The following DLGAP2 variants were observed in gnomAD, a reference collection of about 807,000 sequenced individuals.
The protein encoded by DLGAP2 is disks large-associated protein 2.
Under a neutral mutation model 100.3 loss-of-function variants are expected in DLGAP2, and 26 were observed. The ratio of observed to expected loss-of-function variants is 0.26; its 90% CI spans 0.19 to 0.36. The LOEUF is 0.36. DLGAP2 is among the 10% of genes least tolerant of loss of function. DLGAP2 has a pLI of 1.00. For missense variants in DLGAP2, 1,858 were observed against 1,453.2 expected (o/e 1.28, Z -4.53); for synonymous variants, 886 against 630.1 (o/e 1.41, Z -6.08).
chr8:1,328,708 G>A (rs149833903), intron 3 of DLGAP2, among the ~76,000 whole-genome samples: 41 of 152,228 alleles, frequency 2.7e-4, no homozygotes, highest in African/African-American at 9.4e-4. Context: ...TTAAAAACTC[G>A]TAGTAAAGAC....
At chr8:1,089,753 C>G (rs1009175314) in intron 2 of DLGAP2, among the ~76,000 whole-genome samples, 5 of 152,192 alleles carry the variant, frequency 3.3e-5, no homozygotes, top group African/African-American at 1.2e-4. Context: ...GTGTTTTCCT[C>G]TGGAGGACAT....
intron 2 of DLGAP2, among the ~76,000 whole-genome samples, chr8:1,186,714 T>A (rs1160305879): frequency 6.6e-6 from 1 of 152,170 alleles, no homozygotes; most frequent in Non-Finnish European, 1.5e-5. Context: ...GATATTCTGT[T>A]GTGAATATCT....
rs563038279 is a variant in DLGAP2 at position 988,116 on chromosome 8, C to T, written c.73+80150C>T. Among the ~76,000 whole-genome samples the T allele has an allele frequency of 2.0e-5, 3 of 152,192 alleles. No homozygotes were observed. In the East Asian group the frequency reaches 5.8e-4, roughly 29 times the overall value. Reference sequence around the variant, plus strand: ...GCCCTGATGGGAGTTGCGTTATTTTCTATGGTTTTCACGTTCTTATAGGTT... The same window carrying T: ...GCCCTGATGGGAGTTGCGTTATTTTTTATGGTTTTCACGTTCTTATAGGTT... On this transcript the variant is annotated intron_variant, in intron 2 of 14. Transcript: ENST00000637795.
At chr8:1,545,256 T>G (rs1424508453) in intron 4 of DLGAP2, among the ~76,000 whole-genome samples, 1 of 152,136 alleles carries the variant, frequency 6.6e-6, no homozygotes. Context: ...CACCATCTGG[T>G]CCTGAACTTT....
chr8:1,133,803 T>G (rs10866917), intron 2 of DLGAP2, among the ~76,000 whole-genome samples: 1 of 152,150 alleles, frequency 6.6e-6, no homozygotes, highest in Non-Finnish European at 1.5e-5. Context: ...TGAACATCAC[T>G]CAGTTGTTTT....
At chr8:1,192,094 C>G (rs1465335917) in intron 2 of DLGAP2, among the ~76,000 whole-genome samples, 1 of 152,104 alleles carries the variant, frequency 6.6e-6, no homozygotes, top group Non-Finnish European at 1.5e-5. Context: ...GTGCGTGGCC[C>G]CTGCACTTTC....
At chr8:1,028,269 C>G (rs1801871988) in intron 2 of DLGAP2, among the ~76,000 whole-genome samples, 1 of 142,006 alleles carries the variant, frequency 7.0e-6, no homozygotes, top group African/African-American at 2.7e-5. Context: ...CCGTTATTCT[C>G]CAGGTGGGGT....
intron 1 of DLGAP2, among the ~76,000 whole-genome samples, chr8:772,357 C>A (rs534780248): frequency 6.6e-6 from 1 of 151,830 alleles, no homozygotes; most frequent in East Asian, 2.0e-4. Context: ...GAGTCTTGCT[C>A]TGTTGCCGAG....
At chr8:924,813 C>T (rs1322098425) in intron 2 of DLGAP2, among the ~76,000 whole-genome samples, 4 of 151,982 alleles carry the variant, frequency 2.6e-5, no homozygotes, top group Non-Finnish European at 5.9e-5. Context: ...CTTAAACTCC[C>T]GATCTCAGGT....
chr8:1,128,233 G>C (rs552304734), intron 2 of DLGAP2, among the ~76,000 whole-genome samples: 1 of 151,334 alleles, frequency 6.6e-6, no homozygotes, highest in African/African-American at 2.5e-5. Context: ...TGTGTTCGGT[G>C]AGGACCTGCT....
chr8:925,707 G>A (rs1377470501), intron 2 of DLGAP2, among the ~76,000 whole-genome samples: 1 of 152,124 alleles, frequency 6.6e-6, no homozygotes, highest in Non-Finnish European at 1.5e-5. Flanking sequence ...GTATATCTGT[G>A]TGAATAGAAG....
chr8:1,522,296 G>C (rs1282728058), intron 4 of DLGAP2, among the ~76,000 whole-genome samples: 1 of 152,234 alleles, frequency 6.6e-6, no homozygotes, highest in Non-Finnish European at 1.5e-5. Context: ...TCTTCAAGCT[G>C]TGTCTTCTGT....
intron 1 of DLGAP2, among the ~76,000 whole-genome samples, chr8:823,396 T>G (rs1231080386): frequency 6.6e-6 from 1 of 152,120 alleles, no homozygotes; most frequent in Non-Finnish European, 1.5e-5. Context: ...TTGTCAACTC[T>G]CCATTGAAAC....
chr8:770,029 G>A (rs1191980582), intron 1 of DLGAP2, among the ~76,000 whole-genome samples: 1 of 152,144 alleles, frequency 6.6e-6, no homozygotes, highest in Non-Finnish European at 1.5e-5. Flanking sequence ...CTTTAAGTAC[G>A]AATAATAGTA....
At chr8:1,213,254 C>G (rs1321309919) in intron 2 of DLGAP2, among the ~76,000 whole-genome samples, 2 of 152,172 alleles carry the variant, frequency 1.3e-5, no homozygotes, top group East Asian at 1.9e-4. Flanking sequence ...AAGTCAACAA[C>G]AGGCTTCAGG....
chr8:971,170 G>A (rs1800005150), intron 2 of DLGAP2, among the ~76,000 whole-genome samples: 1 of 152,170 alleles, frequency 6.6e-6, no homozygotes, highest in Non-Finnish European at 1.5e-5. Flanking sequence ...AACAGCCAAC[G>A]TAGAGGATGG....
chr8:945,224 C>A (rs1260580946), intron 2 of DLGAP2, among the ~76,000 whole-genome samples: 1 of 152,162 alleles, frequency 6.6e-6, no homozygotes, highest in Non-Finnish European at 1.5e-5. Flanking sequence ...ATCCAAGGCA[C>A]CAGCAGCTGA....
chr8:1,341,100 A>C (rs1004474862), intron 3 of DLGAP2, among the ~76,000 whole-genome samples: 4 of 152,012 alleles, frequency 2.6e-5, no homozygotes, highest in African/African-American at 7.2e-5. Context: ...GGGTGGGAGG[A>C]GGGAGAGGAT....
At chr8:1,636,455 A>G (rs1435218799) in intron 8 of DLGAP2, among the ~76,000 whole-genome samples, 1 of 152,214 alleles carries the variant, frequency 6.6e-6, no homozygotes, top group Non-Finnish European at 1.5e-5. Flanking sequence ...GAGGAGAAAA[A>G]TTATCTCTAT....
Sources: gnomAD v4.1 joint callset for allele counts (sites outside exome capture counted in the v4.1 genomes callset) on GRCh38, gnomAD v4.1.1 for gene constraint, MANE v1.5 for transcripts, NCBI Gene and HGNC (gene_info 2026-07-23, HGNC 2026-07-21) for gene names.